Variants in RCOR1 observed in about 807,000 individuals in gnomAD.
RCOR1 encodes REST corepressor 1.
RCOR1 carries 12 observed loss-of-function variants against 64.0 expected under a neutral mutation model. The observed-to-expected ratio is 0.19, with a 90% CI of 0.12 to 0.30. The LOEUF (loss-of-function observed/expected upper bound fraction) is 0.30, where lower values mean the gene tolerates loss of function less well. RCOR1 is among the 10% of genes least tolerant of loss of function. RCOR1 has a pLI of 1.00. For synonymous variants in RCOR1, 279 were observed against 227.2 expected (o/e 1.23, Z -2.05); for missense variants, 502 against 621.2 (o/e 0.81, Z 2.04).
At chr14:102,595,919 A>C (rs1414775245) in intron 2 of RCOR1, among the ~76,000 whole-genome samples, 2 of 151,524 alleles carry the variant, frequency 1.3e-5, no homozygotes, top group African/African-American at 4.9e-5. Context: ...TCTGGAAAGG[A>C]ATCTAACTGG....
chr14:102,669,711 G>A (rs1389938357), intron 2 of RCOR1, among the ~76,000 whole-genome samples: 1 of 152,138 alleles, frequency 6.6e-6, no homozygotes, highest in Non-Finnish European at 1.5e-5. Flanking sequence ...ACTAAGGCAC[G>A]TCAAAGTACA....
chr14:102,679,474 CT>C (rs1170179589), intron 2 of RCOR1, among the ~76,000 whole-genome samples: 9 of 149,048 alleles, frequency 6.0e-5, no homozygotes, highest in South Asian at 2.1e-4. Context: ...ATTTATTTCC[CT>C]TTTTTTTTCT....
At chr14:102,637,835 G>A (rs1431527787) in intron 2 of RCOR1, among the ~76,000 whole-genome samples, 1 of 152,138 alleles carries the variant, frequency 6.6e-6, no homozygotes, top group African/African-American at 2.4e-5. Flanking sequence ...CTGAACAAAG[G>A]GAGAGTGCCC....
At chr14:102,604,901 G>A (rs1893472316) in intron 2 of RCOR1, among the ~76,000 whole-genome samples, 1 of 151,678 alleles carries the variant, frequency 6.6e-6, no homozygotes, top group Non-Finnish European at 1.5e-5. Context: ...TGGCCAAAAT[G>A]GTGAAACCCT....
intron 2 of RCOR1, among the ~76,000 whole-genome samples, chr14:102,615,072 G>A (rs1217308476): frequency 6.6e-6 from 1 of 151,312 alleles, no homozygotes; most frequent in African/African-American, 2.4e-5. Context: ...ACCTCGTGAT[G>A]TGCCCGCCTT....
chr14:102,603,563 AT>A (rs907628259), intron 2 of RCOR1, among the ~76,000 whole-genome samples: 33 of 150,260 alleles, frequency 2.2e-4, no homozygotes, highest in African/African-American at 7.3e-4. Flanking sequence ...GTGTCTGTAA[AT>A]TTTTTTTTCT....
At chr14:102,674,607 A>G (rs1895101256) in intron 2 of RCOR1, among the ~76,000 whole-genome samples, 1 of 152,140 alleles carries the variant, frequency 6.6e-6, no homozygotes, top group Non-Finnish European at 1.5e-5. Context: ...ACTTTACTAT[A>G]CATTGCCAGT....
At chr14:102,594,111 T>C (rs1335763748) in intron 2 of RCOR1, among the ~76,000 whole-genome samples, 1 of 152,084 alleles carries the variant, frequency 6.6e-6, no homozygotes, top group African/African-American at 2.4e-5. Context: ...TTTAAAGTGG[T>C]ACAAGAAAAA....
intron 2 of RCOR1, among the ~76,000 whole-genome samples, chr14:102,677,273 G>T (rs1431651232): frequency 9.0e-6 from 1 of 110,908 alleles, no homozygotes; most frequent in Non-Finnish European, 1.8e-5. Context: ...TCACTTCCCA[G>T]TCGGGGCGGC....
intron 2 of RCOR1, among the ~76,000 whole-genome samples, chr14:102,629,017 C>T (rs1182326211): frequency 6.6e-6 from 1 of 152,136 alleles, no homozygotes; most frequent in Non-Finnish European, 1.5e-5. Flanking sequence ...CAGCCCCTCC[C>T]CAAGTAGCTG....
chr14:102,642,907 G>A (rs1428654986), intron 2 of RCOR1, among the ~76,000 whole-genome samples: 3 of 152,154 alleles, frequency 2.0e-5, no homozygotes, highest in African/African-American at 7.2e-5. Context: ...GGAGGGATCA[G>A]GGTATGGGGG....
At chr14:102,671,063 C>G (rs1017206516) in intron 2 of RCOR1, among the ~76,000 whole-genome samples, 1 of 152,156 alleles carries the variant, frequency 6.6e-6, no homozygotes, top group Non-Finnish European at 1.5e-5. Flanking sequence ...TGTGAGCCAC[C>G]GCACCCAGCC....
intron 2 of RCOR1, among the ~76,000 whole-genome samples, chr14:102,652,338 G>A (rs938592747): frequency 1.3e-5 from 2 of 152,300 alleles, no homozygotes; most frequent in African/African-American, 4.8e-5. Context: ...TGCTTGCTGC[G>A]TTAAAGAATG....
intron 2 of RCOR1, among the ~76,000 whole-genome samples, chr14:102,675,423 G>C (rs549609213): frequency 3.1e-4 from 47 of 152,200 alleles, no homozygotes; most frequent in Admixed American, 2.5e-3. Flanking sequence ...ATAATAAAAT[G>C]AACAATTATA....
chr14:102,724,312 C>T (rs967163368), intron 11 of RCOR1, among the ~76,000 whole-genome samples: 1 of 151,924 alleles, frequency 6.6e-6, no homozygotes, highest in South Asian at 2.1e-4. Flanking sequence ...TTAAAATGTA[C>T]CCCCTCATAC....
chr14:102,637,276 G>A lies in RCOR1; in HGVS notation c.361+43951G>A, dbSNP rs1295066974. Among the ~76,000 whole-genome samples the A allele has an allele frequency of 2.0e-5, 3 of 151,218 alleles. No individual in the cohort carries two copies. In the East Asian group the frequency reaches 5.9e-4, roughly 30 times the overall value. ...CGAGTAGTTGGGATTACAGGCGCCC[G>A]CCACCATGCCCAGCTAATTTTTGTA... On this transcript the variant is annotated intron_variant, in intron 2 of 11. Transcript: ENST00000262241.
chr14:102,613,914 CAG>C (rs1285681535), intron 2 of RCOR1, among the ~76,000 whole-genome samples: 5 of 95,756 alleles, frequency 5.2e-5, no homozygotes, highest in Non-Finnish European at 7.6e-5. Context: ...TTTTTTGAGA[CAG>C]AGTTTCGCTG....
chr14:102,595,653 C>T (rs181452549), intron 2 of RCOR1, among the ~76,000 whole-genome samples: 1,527 of 151,260 alleles, frequency 0.01, 16 homozygotes, highest in Admixed American at 0.015. Flanking sequence ...GATCTCAGCT[C>T]ACTGCAAGCT....
At chr14:102,672,564 A>G (rs1404792613) in intron 2 of RCOR1, among the ~76,000 whole-genome samples, 2 of 152,168 alleles carry the variant, frequency 1.3e-5, no homozygotes, top group African/African-American at 4.8e-5. Flanking sequence ...TATTCCCAAC[A>G]TTTTAGCCAA....
Sources: gnomAD v4.1 joint callset for allele counts (sites outside exome capture counted in the v4.1 genomes callset) on GRCh38, gnomAD v4.1.1 for gene constraint, MANE v1.5 for transcripts, NCBI Gene and HGNC (gene_info 2026-07-23, HGNC 2026-07-21) for gene names.